Variants in LPP observed in about 807,000 individuals in gnomAD.
LPP encodes the protein lipoma-preferred partner.
LPP carries 38 observed loss-of-function variants against 60.4 expected under a neutral mutation model. That is an observed-to-expected ratio of 0.63 (90% CI 0.49 to 0.83). The LOEUF (loss-of-function observed/expected upper bound fraction) is 0.83, where lower values mean the gene tolerates loss of function less well. LPP is among the 40% of genes least tolerant of loss of function. The probability of loss-of-function intolerance (pLI) is 0.00; values close to 1 mark genes in which losing one functional copy is unlikely to be tolerated. For missense variants in LPP, 902 were observed against 783.6 expected (o/e 1.15, Z -1.80); for synonymous variants, 328 against 290.8 (o/e 1.13, Z -1.30).
intron 3 of LPP, among the ~76,000 whole-genome samples, chr3:188,377,244 T>C (rs1775403847): frequency 6.6e-6 from 1 of 152,200 alleles, no homozygotes; most frequent in African/African-American, 2.4e-5. Flanking sequence ...TGAATTTGAA[T>C]GTTGGCCTGC....
At chr3:188,227,061 A>G (rs1457251187) in intron 2 of LPP, among the ~76,000 whole-genome samples, 8 of 152,196 alleles carry the variant, frequency 5.3e-5, no homozygotes, top group East Asian at 1.9e-4. Context: ...TTAAACTGTG[A>G]TAAGTATGAA....
intron 5 of LPP, among the ~76,000 whole-genome samples, chr3:188,504,676 C>G (rs1376484283): frequency 6.6e-6 from 1 of 151,730 alleles, no homozygotes; most frequent in Non-Finnish European, 1.5e-5. Flanking sequence ...TAAGTATTTT[C>G]TGAGCCTGCA....
At position 188,585,728 on chromosome 3, in the gene LPP, G is replaced by A. The variant is rs1837291176; in HGVS notation, c.430-23433G>A. Among the ~76,000 whole-genome samples the A allele has an allele frequency of 2.0e-5, 3 of 152,152 alleles. No individual in the cohort carries two copies. In the South Asian group the frequency reaches 6.2e-4, roughly 31 times the overall value. ...ATATTTATACAGGTATTTCATAAGG[G>A]AAAAAGTAGAAAACATGTAAATGTA... On this transcript the variant is annotated intron_variant, in intron 6 of 11. Coordinates refer to ENST00000617246, the MANE Select transcript of LPP (RefSeq NM_001375462.1).
chr3:188,810,332 G>A (rs1029945575), intron 9 of LPP, among the ~76,000 whole-genome samples: 2 of 152,042 alleles, frequency 1.3e-5, no homozygotes, highest in African/African-American at 2.4e-5. Flanking sequence ...TCAGGTTACA[G>A]TAGTTTCCCC....
At chr3:188,378,355 C>G (rs1049209959) in intron 3 of LPP, among the ~76,000 whole-genome samples, 2 of 152,234 alleles carry the variant, frequency 1.3e-5, no homozygotes, top group Non-Finnish European at 2.9e-5. Flanking sequence ...TGGGCTCCAC[C>G]GAGTTCAAGC....
chr3:188,371,036 C>T (rs1296163374), intron 3 of LPP, among the ~76,000 whole-genome samples: 1 of 152,114 alleles, frequency 6.6e-6, no homozygotes, highest in Admixed American at 6.5e-5. Context: ...AAAATTAACT[C>T]TTGGAGCCCA....
intron 7 of LPP, among the ~76,000 whole-genome samples, chr3:188,698,537 G>A (rs189700706): frequency 6.6e-6 from 1 of 150,856 alleles, no homozygotes; most frequent in East Asian, 2.0e-4. Context: ...GAGGTTTAGA[G>A]GGAAGGAACC....
At chr3:188,718,772 G>C (rs1715127905) in intron 8 of LPP, among the ~76,000 whole-genome samples, 1 of 152,276 alleles carries the variant, frequency 6.6e-6, no homozygotes, top group Admixed American at 6.5e-5. Context: ...ACAGGACATG[G>C]TATATAGTAA....
At chr3:188,290,245 G>A (rs950898508) in intron 2 of LPP, among the ~76,000 whole-genome samples, 7 of 152,100 alleles carry the variant, frequency 4.6e-5, no homozygotes, top group Admixed American at 1.3e-4. Flanking sequence ...CAAAGTGCTG[G>A]GATTACAGAC....
At chr3:188,229,999 T>A (rs1719262295) in intron 2 of LPP, among the ~76,000 whole-genome samples, 1 of 152,202 alleles carries the variant, frequency 6.6e-6, no homozygotes, top group Non-Finnish European at 1.5e-5. Context: ...TTTAGGAAAC[T>A]ATGTGAATTA....
At chr3:188,645,504 A>T (rs534506705) in intron 7 of LPP, among the ~76,000 whole-genome samples, 62 of 152,180 alleles carry the variant, frequency 4.1e-4, no homozygotes, top group Non-Finnish European at 7.5e-4. Flanking sequence ...TAAGGCTCAA[A>T]ATCAGATGTT....
chr3:188,484,776 A>G, intron 5 of LPP, 72 bp downstream of exon 5: 1 of 1,109,562 alleles, frequency 9.0e-7, no homozygotes, highest in East Asian at 2.4e-5. Context: ...CATCCTAGGG[A>G]GCTCATGAAT....
At chr3:188,198,649 C>G (rs977220765) in intron 1 of LPP, among the ~76,000 whole-genome samples, 2 of 152,200 alleles carry the variant, frequency 1.3e-5, no homozygotes, top group African/African-American at 2.4e-5. Flanking sequence ...ACTTGGTAGA[C>G]AGAGCGACTG....
intron 2 of LPP, among the ~76,000 whole-genome samples, chr3:188,244,619 T>C (rs905271245): frequency 6.6e-6 from 1 of 152,218 alleles, no homozygotes; most frequent in Non-Finnish European, 1.5e-5. Flanking sequence ...CACTCTTCTC[T>C]ATTAGACGCT....
intron 9 of LPP, among the ~76,000 whole-genome samples, chr3:188,855,703 A>G (rs925891155): frequency 1.3e-5 from 2 of 152,336 alleles, no homozygotes; most frequent in South Asian, 4.1e-4. Flanking sequence ...ACAAAGAACC[A>G]TGCCCTATTG....
At chr3:188,326,123 T>G (rs1175859990) in intron 2 of LPP, among the ~76,000 whole-genome samples, 5 of 152,214 alleles carry the variant, frequency 3.3e-5, no homozygotes, top group Non-Finnish European at 7.3e-5. Flanking sequence ...AGAGAGGTTC[T>G]TGAGGGGCAC....
At chr3:188,846,204 CAGG>C (rs1413675035) in intron 9 of LPP, among the ~76,000 whole-genome samples, 1 of 152,112 alleles carries the variant, frequency 6.6e-6, no homozygotes, top group African/African-American at 2.4e-5. Flanking sequence ...ATGAATACCA[CAGG>C]AGTATACCCG....
At chr3:188,787,102 C>T (rs949995880) in intron 9 of LPP, among the ~76,000 whole-genome samples, 1 of 152,108 alleles carries the variant, frequency 6.6e-6, no homozygotes, top group African/African-American at 2.4e-5. Flanking sequence ...CCTGCATGAA[C>T]TTACACATAT....
rs1553936326 is a variant in LPP, at chr3:188,592,551, G to GT, written c.430-16605dup. ...AATGAGTATCACTGTTTTTAGTTTT[G>GT]TTTTTGTTTTTTAAATGGAGTCTCA... On this transcript the variant is annotated intron_variant, in intron 6 of 11. Coordinates refer to ENST00000617246, the MANE Select transcript of LPP (RefSeq NM_001375462.1). 8.1e-5 allele frequency among the ~76,000 whole-genome samples: 8 copies of GT among 98,212 alleles called. 1 individual carries two copies. The highest frequency in any genetic ancestry group is 1.4e-4 in the Non-Finnish European group (6 of 44,218). The allele number at this position is 98,212 out of a possible 152,430, so 64.4% of individuals were successfully genotyped here. A position where few individuals can be genotyped will look rare whatever the true frequency, so the allele number is the denominator to read the frequency against.
Sources: gnomAD v4.1 joint callset for allele counts (sites outside exome capture counted in the v4.1 genomes callset) on GRCh38, gnomAD v4.1.1 for gene constraint, MANE v1.5 for transcripts, NCBI Gene and HGNC (gene_info 2026-07-23, HGNC 2026-07-21) for gene names.